Variants in KCNIP3 observed in about 807,000 individuals in gnomAD.
The protein encoded by KCNIP3 is potassium voltage-gated channel interacting protein 3.
KCNIP3 carries 28 observed loss-of-function variants against 35.0 expected under a neutral mutation model. That is an observed-to-expected ratio of 0.80 (90% CI 0.59 to 1.10). KCNIP3 has a LOEUF of 1.10. Ranked by LOEUF, KCNIP3 falls within the 50% of genes least tolerant of loss-of-function variation. KCNIP3 has a pLI of 0.00. For missense variants in KCNIP3, 295 were observed against 338.4 expected (o/e 0.87, Z 1.01); for synonymous variants, 134 against 133.8 (o/e 1.00, Z -0.01).
intron 2 of KCNIP3, among the ~76,000 whole-genome samples, chr2:95,328,560 G>T (rs535646227): frequency 1.3e-5 from 2 of 152,262 alleles, no homozygotes; most frequent in Admixed American, 6.5e-5. Context: ...GCTTAGGTGC[G>T]TGTACCCATG....
At chr2:95,367,908 C>A (rs1338076345) in intron 2 of KCNIP3, among the ~76,000 whole-genome samples, 3 of 152,086 alleles carry the variant, frequency 2.0e-5, no homozygotes, top group Non-Finnish European at 4.4e-5. Flanking sequence ...ATTACAGGCG[C>A]CTGCCATCAC....
At chr2:95,324,762 T>C (rs1206231450) in intron 2 of KCNIP3, among the ~76,000 whole-genome samples, 1 of 151,588 alleles carries the variant, frequency 6.6e-6, no homozygotes, top group African/African-American at 2.4e-5. Context: ...AACACAAAAG[T>C]TAGCCTGGCG....
chr2:95,343,205 G>A (rs1171209607), intron 2 of KCNIP3, among the ~76,000 whole-genome samples: 1 of 152,090 alleles, frequency 6.6e-6, no homozygotes, highest in Admixed American at 6.5e-5. Flanking sequence ...ATATTCCAAG[G>A]TAAGAGCCAG....
intron 2 of KCNIP3, among the ~76,000 whole-genome samples, chr2:95,330,072 G>A (rs1215753526): frequency 2.6e-5 from 4 of 152,206 alleles, no homozygotes; most frequent in African/African-American, 7.2e-5. Flanking sequence ...CGCAGCCACC[G>A]CCAGCTGCCG....
At chr2:95,320,976 TG>T (rs1272172818) in intron 2 of KCNIP3, among the ~76,000 whole-genome samples, 2 of 99,590 alleles carry the variant, frequency 2.0e-5, no homozygotes, top group East Asian at 3.6e-4. Flanking sequence ...CTCTCCTCCC[TG>T]GCATCCCCAG....
intron 2 of KCNIP3, among the ~76,000 whole-genome samples, chr2:95,343,266 G>A (rs1679262243): frequency 6.6e-6 from 1 of 152,196 alleles, no homozygotes. Context: ...GGCAGGTTGG[G>A]AGAGGATGAA....
chr2:95,345,962 G>A (rs934336510), intron 2 of KCNIP3, among the ~76,000 whole-genome samples: 2 of 152,154 alleles, frequency 1.3e-5, no homozygotes, highest in African/African-American at 4.8e-5. Context: ...CCCTCTCTGC[G>A]GAGCAGGCGG....
At chr2:95,375,238 C>G (rs1365056987) in intron 5 of KCNIP3, 30 bp downstream of exon 5, 2 of 1,600,518 alleles carry the variant, frequency 1.2e-6, no homozygotes, top group Non-Finnish European at 1.7e-6. Flanking sequence ...TCCCACGTGT[C>G]CTGCCCCTGT....
chr2:95,369,646 T>A (rs747874152), intron 2 of KCNIP3, among the ~76,000 whole-genome samples: 12 of 152,174 alleles, frequency 7.9e-5, no homozygotes, highest in Non-Finnish European at 1.6e-4. Context: ...TTTATTTTTT[T>A]TTGAGCTGGG....
chr2:95,342,755 C>G (rs1679224148), intron 2 of KCNIP3, among the ~76,000 whole-genome samples: 1 of 152,208 alleles, frequency 6.6e-6, no homozygotes, highest in South Asian at 2.1e-4. Flanking sequence ...AGGACTCTCA[C>G]TATCCTGGCT....
chr2:95,361,516 C>A (rs1461929759), intron 2 of KCNIP3, among the ~76,000 whole-genome samples: 1 of 152,158 alleles, frequency 6.6e-6, no homozygotes, highest in Non-Finnish European at 1.5e-5. Context: ...GACTCCATGC[C>A]CGGGTGCCCT....
chr2:95,344,097 G>A (rs1027863749), intron 2 of KCNIP3, among the ~76,000 whole-genome samples: 2 of 152,006 alleles, frequency 1.3e-5, no homozygotes, highest in Non-Finnish European at 1.5e-5. Flanking sequence ...CTAACTCCCC[G>A]CCCTGAAGAG....
intron 2 of KCNIP3, among the ~76,000 whole-genome samples, chr2:95,340,191 G>T (rs1679160566): frequency 6.6e-6 from 1 of 152,168 alleles, no homozygotes; most frequent in Admixed American, 6.5e-5. Flanking sequence ...TACAAAATTA[G>T]CCAGGCATGG....
chr2:95,360,971 G>A (rs551146124), intron 2 of KCNIP3, among the ~76,000 whole-genome samples: 90 of 152,330 alleles, frequency 5.9e-4, no homozygotes, highest in African/African-American at 2.0e-3. Flanking sequence ...TGGGGAGGAG[G>A]TGGCCCAGGA....
In KCNIP3 at chr2:95,350,041, T is replaced by C. The variant is rs199981675; in HGVS notation, c.182-24255T>C. 1.1e-4 allele frequency among the ~76,000 whole-genome samples: 16 copies of C among 152,302 alleles called. No individual in the cohort carries two copies. The East Asian group carries it at 3.1e-3, about 30-fold the overall frequency. The stretch of plus-strand genomic sequence containing the variant: ...GAAATTATGGGCAAGATTATGTGTT[T>C]GGTGCTTCTTCCTGGAGTGCTGAAA... On this transcript the variant is annotated intron_variant, in intron 2 of 8. Transcript: ENST00000295225.
intron 2 of KCNIP3, among the ~76,000 whole-genome samples, chr2:95,336,485 T>G (rs1257420306): frequency 1.3e-5 from 2 of 152,382 alleles, no homozygotes; most frequent in African/African-American, 4.8e-5. Flanking sequence ...TCATAGTTAT[T>G]TTGAACTATG....
In KCNIP3 at chr2:95,377,741, G is replaced by C. The variant is rs942010597; in HGVS notation, c.447+2533G>C. On this transcript the variant is annotated intron_variant, in intron 5 of 8. Transcript: ENST00000295225. The surrounding 1 kb of genome is among the most constrained non-coding windows in gnomAD (Gnocchi z 4.7). Reference sequence around the variant, plus strand: ...CCTTTATGAATGGAGACTAGCCAGTGGCCTAACAGGACATTCCCACCATCT... The same window carrying C: ...CCTTTATGAATGGAGACTAGCCAGTCGCCTAACAGGACATTCCCACCATCT... 6.6e-5 allele frequency among the ~76,000 whole-genome samples: 10 copies of C among 152,230 alleles called. No individual in the cohort carries two copies. Among genetic ancestry groups the C allele is most frequent in the African/African-American group, 2.4e-4 (10 of 41,452 alleles).
At chr2:95,316,507 G>T (rs1678464825) in intron 2 of KCNIP3, among the ~76,000 whole-genome samples, 1 of 152,212 alleles carries the variant, frequency 6.6e-6, no homozygotes. Context: ...GCAGCTGGGG[G>T]ACGTCAGTGT....
At chr2:95,314,713 T>C (rs2104216396) in intron 2 of KCNIP3, among the ~76,000 whole-genome samples, 1 of 152,332 alleles carries the variant, frequency 6.6e-6, no homozygotes, top group African/African-American at 2.4e-5. Flanking sequence ...CAGCTTCCAG[T>C]TTAGCAGAAC....
Sources: gnomAD v4.1 joint callset for allele counts (sites outside exome capture counted in the v4.1 genomes callset) on GRCh38, gnomAD v4.1.1 for gene constraint, Gnocchi (gnomAD v3.1) non-coding constraint, MANE v1.5 for transcripts, NCBI Gene and HGNC (gene_info 2026-07-23, HGNC 2026-07-21) for gene names.